The following PLXND1 variants were observed in gnomAD, a reference collection of about 807,000 sequenced individuals.
PLXND1 encodes plexin-D1.
Under a neutral mutation model 197.7 loss-of-function variants are expected in PLXND1, and 54 were observed. The observed-to-expected ratio is 0.27, with a 90% CI of 0.22 to 0.34. The LOEUF (loss-of-function observed/expected upper bound fraction) is 0.34, where lower values mean the gene tolerates loss of function less well. Ranked by LOEUF, PLXND1 falls within the 10% of genes least tolerant of loss-of-function variation. The pLI, the probability that PLXND1 is intolerant of heterozygous loss-of-function variation, is 1.00. For synonymous variants in PLXND1, 1,180 were observed against 1,161.2 expected (o/e 1.02, Z -0.33); for missense variants, 2,127 against 2,699.2 (o/e 0.79, Z 4.70).
chr3:129,606,466 G>A lies in PLXND1; in HGVS notation c.174C>T (p.Pro58=). The change falls in exon 1 of 36, where the codon CCC becomes CCT. Residue 58 remains proline, a synonymous_variant. Transcript: ENST00000324093. ...EIQRRFPSPT[P]TNNFALDGAA... ...CGCCGTCCAGGGCGAAGTTGTTGGT[G>A]GGCGTGGGCGAGGGGAACCGACGCT... 6.9e-7 allele frequency: 1 copy of A among 1,441,070 alleles called. No homozygotes were observed. 89.3% of individuals were successfully genotyped at this position (1,441,070 alleles called of 1,614,324 possible). A position where few individuals can be genotyped will look rare whatever the true frequency, so the allele number is the denominator to read the frequency against.
intron 30 of PLXND1, 50 bp from the exon 31 acceptor site, chr3:129,560,484 C>T (rs752902799): frequency 4.0e-5 from 53 of 1,323,518 alleles, no homozygotes; most frequent in Admixed American, 8.8e-5. Flanking sequence ...CATCCTCGGC[C>T]GCCTGTGGGA....
chr3:129,572,556 A>G, intron 15 of PLXND1, 53 bp downstream of exon 15: 6 of 1,421,684 alleles, frequency 4.2e-6, no homozygotes, highest in African/African-American at 1.4e-5. Context: ...GCCAGCCCCC[A>G]AGCCCATTGA....
rs1427772175 is a variant in PLXND1 at position 129,555,431 on chromosome 3, AAC to A, written c.*879_*880del. 3 of 663,902 alleles carry A rather than the reference AAC, an allele frequency of 4.5e-6. No individual in the cohort carries two copies. Among genetic ancestry groups the A allele is most frequent in the Non-Finnish European group, 8.0e-6 (3 of 374,456 alleles). The allele number at this position is 663,902 out of a possible 1,614,324, so 41.1% of individuals were successfully genotyped here. A position where few individuals can be genotyped will look rare whatever the true frequency, so the allele number is the denominator to read the frequency against. Reference sequence around the variant, plus strand: ...TCTGCCAGGTCTGCCCGCTCTCTGGAACAGTCATTTCCAGTGTTGCATGGGGA... The same window carrying A: ...TCTGCCAGGTCTGCCCGCTCTCTGGAAGTCATTTCCAGTGTTGCATGGGGA... On this transcript the variant is annotated 3_prime_UTR_variant, in exon 36 of 36. Transcript: ENST00000324093.
At chr3:129,574,286 T>G in intron 12 of PLXND1, 50 bp downstream of exon 12, 1 of 1,517,032 alleles carries the variant, frequency 6.6e-7, no homozygotes, top group Non-Finnish European at 8.9e-7. Context: ...GCACTGCGCA[T>G]GCGCCGTGCC....
chr3:129,579,903 C>T (rs1362404193), intron 8 of PLXND1, among the ~76,000 whole-genome samples: 1 of 152,156 alleles, frequency 6.6e-6, no homozygotes, highest in Non-Finnish European at 1.5e-5. Flanking sequence ...AACCGGACCT[C>T]GAGGGGATGC....
intron 23 of PLXND1, 105 bp downstream of exon 23, chr3:129,566,422 T>G (rs1433567067): frequency 2.0e-5 from 15 of 753,028 alleles, no homozygotes; most frequent in South Asian, 1.6e-4. Context: ...GCCTCCCAAC[T>G]CCGCATGACA....
rs2085466799 is a variant in PLXND1, at chr3:129,586,690, C to T, written c.1518G>A (p.Val506=). 6.3e-7 allele frequency: 1 copy of T among 1,597,258 alleles called. No homozygotes were observed. Among genetic ancestry groups the T allele is most frequent in the East Asian group, 2.3e-5 (1 of 44,328 alleles). Residue 506 remains valine, a synonymous_variant, in exon 3 of 36, where the codon GTG becomes GTA. Transcript: ENST00000324093. The part of the protein sequence containing the change: ...KINLNESMQV[V]SRRVVTVAYG... ...AGGCCACAGTCACCACCCGCCTGCTCACCACCTGCATGCTCTCGTTCAGGT... is the reference window on the plus strand; with the variant it reads ...AGGCCACAGTCACCACCCGCCTGCTTACCACCTGCATGCTCTCGTTCAGGT...
At chr3:129,587,112 G>C (rs1433671955) in intron 2 of PLXND1, among the ~76,000 whole-genome samples, 1 of 152,174 alleles carries the variant, frequency 6.6e-6, no homozygotes, top group African/African-American at 2.4e-5. Context: ...CTCTGAGCCT[G>C]TTTCCTGAGC....
At chr3:129,559,346 AGGGGTGCG>A in intron 32 of PLXND1, 1 of 356,330 alleles carries the variant, frequency 2.8e-6, no homozygotes, top group South Asian at 7.7e-5. Flanking sequence ...CCCACCTGAG[AGGGGTGCG>A]GGAGAATGAT....
Position 129,555,503 on chromosome 3 carries a change from A to T in PLXND1, c.*809T>A. Reference sequence around the variant, plus strand: ...CGGGTCCTCTGCGCAAGCGGCAGCTATTCACAGTTGGTGCATGATACGTTT... The same window carrying T: ...CGGGTCCTCTGCGCAAGCGGCAGCTTTTCACAGTTGGTGCATGATACGTTT... On this transcript the variant is annotated 3_prime_UTR_variant, in exon 36 of 36. Transcript: ENST00000324093. 1 of 678,236 alleles carries T rather than the reference A, an allele frequency of 1.5e-6. No homozygotes were observed. The highest frequency in any genetic ancestry group is 2.8e-5 in the East Asian group (1 of 36,136). 42.0% of individuals were successfully genotyped at this position (678,236 alleles called of 1,614,324 possible).
At chr3:129,588,773 C>T (rs1418542527) in intron 2 of PLXND1, among the ~76,000 whole-genome samples, 1 of 152,248 alleles carries the variant, frequency 6.6e-6, no homozygotes, top group African/African-American at 2.4e-5. Context: ...CCATGTCTGT[C>T]CTGCCCCAGA....
chr3:129,569,656 C>T (rs912588948), intron 20 of PLXND1, 187 bp downstream of exon 20: 6 of 581,776 alleles, frequency 1.0e-5, no homozygotes, highest in African/African-American at 7.5e-5. Flanking sequence ...ACATCTTCTA[C>T]CCATTGGTGC....
At chr3:129,565,654 G>T in intron 24 of PLXND1, 116 bp from the exon 25 acceptor site, 1 of 993,014 alleles carries the variant, frequency 1.0e-6, no homozygotes, top group Admixed American at 2.1e-5. Flanking sequence ...CTGTGTGGGT[G>T]GGTCCTGCGA....
chr3:129,566,435 G>C, intron 23 of PLXND1, 92 bp downstream of exon 23: 1 of 799,300 alleles, frequency 1.3e-6, no homozygotes, highest in Non-Finnish European at 2.2e-6. Context: ...GCATGACAGG[G>C]ATCAATGCAT....
chr3:129,557,859 C>A lies in PLXND1; in HGVS notation c.5445+569G>T, dbSNP rs944680654. Among the ~76,000 whole-genome samples the A allele has an allele frequency of 6.6e-6, 1 of 152,186 alleles. No homozygotes were observed. The highest frequency in any genetic ancestry group is 2.4e-5 in the African/African-American group (1 of 41,446). ...CAATCTCATCCCTGCTCACAGCAAC[C>A]GGCTGCTTTCCTGCCTCCCTGTCTT... On this transcript the variant is annotated intron_variant, in intron 33 of 35. Transcript: ENST00000324093. The surrounding 1 kb of genome is among the most constrained non-coding windows in gnomAD (Gnocchi z 4.8).
intron 22 of PLXND1, among the ~76,000 whole-genome samples, 163 bp from the exon 23 acceptor site, chr3:129,566,794 C>T (rs2085148056): frequency 6.6e-6 from 1 of 152,160 alleles, no homozygotes; most frequent in African/African-American, 2.4e-5. Flanking sequence ...AGCCTGGGGG[C>T]TGTGGAATTC....
Position 129,571,714 on chromosome 3 carries a change from C to T in PLXND1, c.3208G>A (p.Val1070Ile), listed in dbSNP as rs2085233272. 1 of 1,613,710 alleles carries T rather than the reference C, an allele frequency of 6.2e-7. No homozygotes were observed. Among genetic ancestry groups the T allele is most frequent in the South Asian group, 1.1e-5 (1 of 91,092 alleles). The change falls in exon 16 of 36, where the codon GTC becomes ATC. Residue 1070 changes from valine (V) to isoleucine (I), a missense_variant. Physicochemically the swap from Val to Ile is conservative, Grantham distance 29. Around this residue, in one of 6 missense-constraint regions of PLXND1, gnomAD observed 1,095 missense variants for 1,259.8 expected, o/e 0.87. Coordinates refer to ENST00000324093, the MANE Select transcript of PLXND1 (RefSeq NM_015103.3). ...NLTFWYMQNP[V>I]ITAISPRRSP... is the part of the protein sequence containing the mutation. ...CGGCGGGGACTGATGGCCGTGATGACCGGGTTCTGCATGTACCAGAAGGTG... is the reference window on the plus strand; with the variant it reads ...CGGCGGGGACTGATGGCCGTGATGATCGGGTTCTGCATGTACCAGAAGGTG...
At chr3:129,603,330 C>T (rs187793506) in intron 1 of PLXND1, among the ~76,000 whole-genome samples, 5 of 152,192 alleles carry the variant, frequency 3.3e-5, no homozygotes, top group Admixed American at 6.5e-5. Context: ...GTCACTGCAC[C>T]GAGGGAGCGG....
intron 2 of PLXND1, among the ~76,000 whole-genome samples, chr3:129,588,303 C>T (rs996252840): frequency 3.3e-5 from 5 of 152,132 alleles, no homozygotes; most frequent in Non-Finnish European, 7.3e-5. Flanking sequence ...GAGAGGATGC[C>T]CTTTAGGCTC....
Sources: allele counts gnomAD v4.1 joint callset (sites outside exome capture counted in the v4.1 genomes callset), GRCh38; gene constraint gnomAD v4.1.1; regional missense constraint gnomAD v4.1.1; non-coding constraint Gnocchi (gnomAD v3.1); transcripts MANE v1.5; gene names NCBI Gene and HGNC (gene_info 2026-07-23, HGNC 2026-07-21).